DCLK1: variants seen among roughly 807,000 people sequenced by gnomAD.
DCLK1 encodes doublecortin like kinase 1, also known as serine/threonine-protein kinase DCLK1.
Under a neutral mutation model 86.2 loss-of-function variants are expected in DCLK1, and 16 were observed. The observed-to-expected ratio is 0.19, with a 90% CI of 0.13 to 0.28. The LOEUF is 0.28. Ranked by LOEUF, DCLK1 falls within the 10% of genes least tolerant of loss-of-function variation. The probability of loss-of-function intolerance (pLI) is 1.00; values close to 1 mark genes in which losing one functional copy is unlikely to be tolerated. For missense variants in DCLK1, 590 were observed against 940.2 expected, an observed-to-expected ratio of 0.63 and a Z score of 4.87; for synonymous variants, 369 against 370.5, an observed-to-expected ratio of 1.00 and a Z score of 0.05.
At chr13:36,022,611 A>G (rs1187165885) in intron 3 of DCLK1, among the ~76,000 whole-genome samples, 2 of 152,172 alleles carry the variant, frequency 1.3e-5, no homozygotes, top group Non-Finnish European at 2.9e-5. Context: ...GCAGAAATAT[A>G]AAGGATTAAA....
chr13:36,108,392 T>A (rs57736420), intron 3 of DCLK1, among the ~76,000 whole-genome samples: 2,952 of 152,254 alleles, frequency 0.019, 108 homozygotes, highest in African/African-American at 0.068. Context: ...CTTATCTCAG[T>A]CTAAAAACAT....
chr13:35,929,560 T>C (rs1018504760), intron 4 of DCLK1, among the ~76,000 whole-genome samples: 8 of 152,232 alleles, frequency 5.3e-5, no homozygotes, highest in African/African-American at 1.9e-4. Context: ...GGCTGATTTT[T>C]ATCTTTGAGC....
At chr13:36,120,846 G>C (rs1391481076) in intron 2 of DCLK1, among the ~76,000 whole-genome samples, 2 of 152,090 alleles carry the variant, frequency 1.3e-5, no homozygotes, top group African/African-American at 4.8e-5. Context: ...TAGTTAATGG[G>C]AAACATCTGA....
intron 14 of DCLK1, 49 bp from the exon 15 acceptor site, chr13:35,805,828 G>C: frequency 6.5e-7 from 1 of 1,547,826 alleles, no homozygotes; most frequent in Non-Finnish European, 8.8e-7. Flanking sequence ...AAGGTGAAAA[G>C]CTGTATGTGT....
Position 35,839,147 on chromosome 13 carries a change from T to G in DCLK1, c.1065A>C (p.Ser355=). ...RSSQHGGSST[S]LASTKVCSSM... is the part of the protein sequence containing the mutation. The stretch of plus-strand genomic sequence containing the variant: ...AGCTGCAGACTTTGGTGGACGCAAG[T>G]GACGTAGAGGAGCCGCCATGCTGAG... Residue 355 remains serine, a synonymous_variant, in exon 7 of 17, where the codon TCA becomes TCC. Coordinates refer to ENST00000360631, the MANE Select transcript of DCLK1 (RefSeq NM_001330071.2). 6.3e-7 allele frequency: 1 copy of G among 1,592,022 alleles called. No individual in the cohort carries two copies. The highest frequency in any genetic ancestry group is 8.6e-7 in the Non-Finnish European group (1 of 1,169,382).
At chr13:35,960,248 T>C (rs1213572418) in intron 3 of DCLK1, among the ~76,000 whole-genome samples, 2 of 152,172 alleles carry the variant, frequency 1.3e-5, no homozygotes, top group Non-Finnish European at 2.9e-5. Flanking sequence ...AACTTCACCT[T>C]AAAAATGAAT....
At chr13:36,038,076 G>A (rs1175975835) in intron 3 of DCLK1, among the ~76,000 whole-genome samples, 3 of 152,194 alleles carry the variant, frequency 2.0e-5, no homozygotes, top group Non-Finnish European at 2.9e-5. Flanking sequence ...GATATGTCCA[G>A]TAATTTATTG....
At chr13:36,030,777 G>A (rs559427349) in intron 3 of DCLK1, among the ~76,000 whole-genome samples, 32 of 152,126 alleles carry the variant, frequency 2.1e-4, no homozygotes, top group Admixed American at 1.0e-3. Flanking sequence ...TAGAATAAAC[G>A]TTTCTCAGGT....
At chr13:36,078,001 C>T (rs1384957967) in intron 3 of DCLK1, among the ~76,000 whole-genome samples, 2 of 152,106 alleles carry the variant, frequency 1.3e-5, no homozygotes, top group Non-Finnish European at 2.9e-5. Context: ...CTGTGTCTTT[C>T]CAAAATTTGT....
chr13:35,974,525 G>A (rs1879234146), intron 3 of DCLK1, among the ~76,000 whole-genome samples: 2 of 152,174 alleles, frequency 1.3e-5, no homozygotes, highest in Non-Finnish European at 2.9e-5. Context: ...GATCTTGGGG[G>A]CGGATATCCC....
At chr13:36,005,936 G>T (rs1432564868) in intron 3 of DCLK1, among the ~76,000 whole-genome samples, 1 of 152,168 alleles carries the variant, frequency 6.6e-6, no homozygotes, top group Admixed American at 6.5e-5. Flanking sequence ...AACACCACGT[G>T]TTCTCACTCA....
At chr13:36,007,741 A>G (rs1465172902) in intron 3 of DCLK1, among the ~76,000 whole-genome samples, 2 of 152,234 alleles carry the variant, frequency 1.3e-5, no homozygotes, top group African/African-American at 2.4e-5. Flanking sequence ...GAACATAAAC[A>G]TTGAAACATA....
intron 4 of DCLK1, among the ~76,000 whole-genome samples, chr13:35,907,836 A>T (rs1423196174): frequency 1.0e-5 from 1 of 98,264 alleles, no homozygotes; most frequent in Non-Finnish European, 2.4e-5. Context: ...TCTATGAAAA[A>T]ACTTTAAAAA....
At chr13:36,046,837 A>G (rs1882931788) in intron 3 of DCLK1, among the ~76,000 whole-genome samples, 1 of 152,254 alleles carries the variant, frequency 6.6e-6, no homozygotes, top group African/African-American at 2.4e-5. Flanking sequence ...CATAAAGGCC[A>G]GCACTGGTGG....
chr13:35,781,738 T>C (rs2086529354), intron 16 of DCLK1, among the ~76,000 whole-genome samples: 1 of 152,370 alleles, frequency 6.6e-6, no homozygotes, highest in South Asian at 2.1e-4. Flanking sequence ...CCATTATTCA[T>C]GCTACCTAGG....
chr13:35,774,981 A>G (rs2086398582), intron 16 of DCLK1, among the ~76,000 whole-genome samples: 1 of 152,094 alleles, frequency 6.6e-6, no homozygotes, highest in Admixed American at 6.5e-5. Context: ...TGCTAGCTGC[A>G]CATTTATTTA....
chr13:36,047,678 G>A (rs892727572), intron 3 of DCLK1, among the ~76,000 whole-genome samples: 34 of 151,904 alleles, frequency 2.2e-4, no homozygotes, highest in African/African-American at 8.0e-4. Flanking sequence ...GGTTACCAGA[G>A]ATTGGAAGAG....
intron 5 of DCLK1, among the ~76,000 whole-genome samples, chr13:35,861,808 C>T (rs185705507): frequency 4.9e-5 from 7 of 142,380 alleles, no homozygotes; most frequent in Admixed American, 7.1e-5. Flanking sequence ...AGGTAGATCA[C>T]GAGGTCAGAA....
chr13:35,847,593 A>G (rs1744541898), intron 6 of DCLK1: 3 of 954,156 alleles, frequency 3.1e-6, no homozygotes, highest in Non-Finnish European at 3.7e-6. Context: ...AAGAAATCTG[A>G]CTTGCACACT....
Sources: gnomAD v4.1 joint callset for allele counts (sites outside exome capture counted in the v4.1 genomes callset) on GRCh38, gnomAD v4.1.1 for gene constraint, MANE v1.5 for transcripts, NCBI Gene and HGNC (gene_info 2026-07-23, HGNC 2026-07-21) for gene names.